The following STXBP5L variants were observed in gnomAD, a reference collection of about 807,000 sequenced individuals.
STXBP5L encodes syntaxin binding protein 5L, also known as syntaxin-binding protein 5-like.
Under a neutral mutation model 144.5 loss-of-function variants are expected in STXBP5L, and 65 were observed. The observed-to-expected ratio is 0.45, with a 90% CI of 0.37 to 0.55. STXBP5L has a LOEUF of 0.55. Among genes scored for constraint, STXBP5L ranks in the 20% least tolerant of loss-of-function variants. The pLI, the probability that STXBP5L is intolerant of heterozygous loss-of-function variation, is 0.00. For synonymous variants in STXBP5L, 505 were observed against 469.6 expected, an observed-to-expected ratio of 1.08 and a Z score of -0.97; for missense variants, 1,298 against 1,405.5, an observed-to-expected ratio of 0.92 and a Z score of 1.22.
At chr3:121,089,457 A>C (rs997822111) in intron 5 of STXBP5L, among the ~76,000 whole-genome samples, 1 of 151,850 alleles carries the variant, frequency 6.6e-6, no homozygotes, top group Non-Finnish European at 1.5e-5. Flanking sequence ...GTTTCTGATG[A>C]GAAATCTACT....
At chr3:121,135,581 A>T (rs1188682745) in intron 7 of STXBP5L, among the ~76,000 whole-genome samples, 1 of 152,204 alleles carries the variant, frequency 6.6e-6, no homozygotes, top group Non-Finnish European at 1.5e-5. Flanking sequence ...GATCCCTTGC[A>T]TGTGTACTTT....
chr3:121,115,075 G>T lies in STXBP5L; in HGVS notation c.605+16G>T, dbSNP rs765318336. ...CAATTGAACTGTAAGTTTGAACTTG[G>T]ATATCACTTTATTGGCTTAAATACT... On this transcript the variant is annotated intron_variant, in intron 6 of 26. Transcript: ENST00000471454. 1 of 1,596,504 alleles carries T rather than the reference G, an allele frequency of 6.3e-7. No homozygotes were observed. The highest frequency in any genetic ancestry group is 1.2e-5 in the South Asian group (1 of 86,700).
At chr3:120,981,008 T>A (rs1024766575) in intron 3 of STXBP5L, among the ~76,000 whole-genome samples, 10 of 152,122 alleles carry the variant, frequency 6.6e-5, no homozygotes, top group Non-Finnish European at 2.9e-5. Context: ...TTTTTTTTTC[T>A]TCAAAGAGAC....
At chr3:120,980,422 T>C (rs559572503) in intron 3 of STXBP5L, among the ~76,000 whole-genome samples, 2 of 151,996 alleles carry the variant, frequency 1.3e-5, no homozygotes, top group Non-Finnish European at 2.9e-5. Context: ...TTATATTTTC[T>C]TGTTGAATTT....
At chr3:121,002,890 A>G (rs1013888471) in intron 3 of STXBP5L, among the ~76,000 whole-genome samples, 1 of 152,012 alleles carries the variant, frequency 6.6e-6, no homozygotes, top group Non-Finnish European at 1.5e-5. Flanking sequence ...TGAACTCATC[A>G]TTTTTTATGG....
intron 3 of STXBP5L, among the ~76,000 whole-genome samples, chr3:120,973,562 A>G (rs892772172): frequency 3.6e-4 from 54 of 151,716 alleles, no homozygotes; most frequent in African/African-American, 1.3e-3. Context: ...TTTTTATTAT[A>G]CTTTAGTTTT....
intron 3 of STXBP5L, among the ~76,000 whole-genome samples, chr3:120,955,459 G>GT (rs1261848451): frequency 2.0e-5 from 3 of 151,910 alleles, no homozygotes; most frequent in African/African-American, 7.2e-5. Flanking sequence ...TCTTTCTCTA[G>GT]TTTTTAAAGT....
At chr3:121,349,353 T>C (rs2045165342) in intron 20 of STXBP5L, among the ~76,000 whole-genome samples, 1 of 151,976 alleles carries the variant, frequency 6.6e-6, no homozygotes. Context: ...TCTTTTACAT[T>C]TGCTGAGGAG....
chr3:121,041,407 A>C (rs1947143680), intron 3 of STXBP5L, among the ~76,000 whole-genome samples: 1 of 152,122 alleles, frequency 6.6e-6, no homozygotes, highest in Non-Finnish European at 1.5e-5. Flanking sequence ...AATCAATTAA[A>C]AAATCTTAAA....
intron 19 of STXBP5L, among the ~76,000 whole-genome samples, chr3:121,303,644 A>G (rs2108496695): frequency 6.6e-6 from 1 of 152,318 alleles, no homozygotes; most frequent in Non-Finnish European, 1.5e-5. Flanking sequence ...TCCATCAATA[A>G]TAGACTGGAT....
At chr3:121,041,476 T>A (rs527651006) in intron 3 of STXBP5L, among the ~76,000 whole-genome samples, 1 of 152,242 alleles carries the variant, frequency 6.6e-6, no homozygotes, top group South Asian at 2.1e-4. Flanking sequence ...AAAGCTGCCA[T>A]CTTTCAAATT....
intron 5 of STXBP5L, among the ~76,000 whole-genome samples, chr3:121,096,311 G>T (rs2043125753): frequency 6.6e-6 from 1 of 152,148 alleles, no homozygotes. Flanking sequence ...TGCTCCTTTA[G>T]CCTGGAGGAG....
intron 3 of STXBP5L, among the ~76,000 whole-genome samples, chr3:120,978,763 G>C (rs534465490): frequency 2.1e-4 from 32 of 152,342 alleles, no homozygotes; most frequent in Admixed American, 3.9e-4. Context: ...CCTTCTAACA[G>C]ATGGGACCCT....
chr3:120,908,873 G>T (rs1235677350), intron 1 of STXBP5L, among the ~76,000 whole-genome samples: 12 of 150,448 alleles, frequency 8.0e-5, no homozygotes, highest in Non-Finnish European at 1.6e-4. Context: ...GGGGAGGTGA[G>T]GGGGAGGCGG....
intron 20 of STXBP5L, among the ~76,000 whole-genome samples, chr3:121,369,290 A>G (rs2045957626): frequency 1.3e-5 from 2 of 151,054 alleles, no homozygotes; most frequent in South Asian, 2.1e-4. Context: ...TGCAATTGTT[A>G]TCTAGAGTGT....
At chr3:121,044,932 T>C (rs1947407271) in intron 4 of STXBP5L, among the ~76,000 whole-genome samples, 1 of 152,156 alleles carries the variant, frequency 6.6e-6, no homozygotes, top group Non-Finnish European at 1.5e-5. Context: ...TCTTGGACTA[T>C]AAGAAGCAAA....
chr3:121,368,355 A>G (rs2045928804), intron 20 of STXBP5L, among the ~76,000 whole-genome samples: 1 of 151,660 alleles, frequency 6.6e-6, no homozygotes, highest in Non-Finnish European at 1.5e-5. Flanking sequence ...CTTTACTGAT[A>G]TTTATATTTT....
intron 2 of STXBP5L, among the ~76,000 whole-genome samples, chr3:120,913,945 G>A (rs1231079743): frequency 6.6e-6 from 1 of 152,018 alleles, no homozygotes; most frequent in South Asian, 2.1e-4. Context: ...ATTTTGAACA[G>A]CTTCTTGGAG....
intron 7 of STXBP5L, among the ~76,000 whole-genome samples, chr3:121,133,461 A>G (rs1381601275): frequency 6.6e-6 from 1 of 152,218 alleles, no homozygotes; most frequent in Non-Finnish European, 1.5e-5. Context: ...CAGGACAGAA[A>G]GGAGTGGTGC....
Sources: gnomAD v4.1 joint callset for allele counts (sites outside exome capture counted in the v4.1 genomes callset) on GRCh38, gnomAD v4.1.1 for gene constraint, MANE v1.5 for transcripts, NCBI Gene and HGNC (gene_info 2026-07-23, HGNC 2026-07-21) for gene names.